The following SPATA17 variants were observed in gnomAD, a reference collection of about 807,000 sequenced individuals.
The protein encoded by SPATA17 is spermatogenesis-associated protein 17.
A neutral mutation model predicts 62.2 loss-of-function variants in SPATA17; 53 were observed. The ratio of observed to expected loss-of-function variants is 0.85; its 90% CI spans 0.68 to 1.07. The LOEUF (loss-of-function observed/expected upper bound fraction) is 1.07. SPATA17 is among the 50% of genes least tolerant of loss of function. The pLI is 0.00. For missense variants in SPATA17, 466 were observed against 425.5 expected (o/e 1.10, Z -0.84); for synonymous variants, 146 against 146.8 (o/e 0.99, Z 0.04).
chr1:217,734,546 A>T (rs1273027476), intron 5 of SPATA17, among the ~76,000 whole-genome samples: 6 of 152,172 alleles, frequency 3.9e-5, no homozygotes, highest in Non-Finnish European at 8.8e-5. Context: ...GCACACACTG[A>T]CTTTACTTGC....
chr1:217,744,462 CAAAAAAA>C lies in SPATA17; in HGVS notation c.519+2381_519+2387del, dbSNP rs766645844. Among the ~76,000 whole-genome samples, 6 of 30,612 alleles carry C rather than the reference CAAAAAAA, an allele frequency of 2.0e-4. 1 individual carries two copies. Among genetic ancestry groups the C allele is most frequent in the African/African-American group, 4.4e-4 (5 of 11,464 alleles). 20.1% of individuals were successfully genotyped at this position (30,612 alleles called of 152,430 possible). A position where few individuals can be genotyped will look rare whatever the true frequency, so the allele number is the denominator to read the frequency against. ...TGGGCGACAGAGCGAGACTCCGTCT[CAAAAAAA>C]AAAAAAAAAAAAAAAAGAATTTTCA... is the stretch of plus-strand genomic sequence containing the variant. On this transcript the variant is annotated intron_variant, in intron 6 of 10. Transcript: ENST00000366933.
At chr1:217,755,286 A>T (rs1673013377) in intron 6 of SPATA17, among the ~76,000 whole-genome samples, 1 of 152,066 alleles carries the variant, frequency 6.6e-6, no homozygotes, top group Admixed American at 6.5e-5. Flanking sequence ...GTATCTTTTG[A>T]CAGTTAGAAA....
At chr1:217,775,634 G>A (rs938026621) in intron 7 of SPATA17, among the ~76,000 whole-genome samples, 5 of 151,940 alleles carry the variant, frequency 3.3e-5, no homozygotes, top group East Asian at 1.9e-4. Flanking sequence ...CTCGGGAGGC[G>A]GAGGTTGCAG....
At chr1:217,795,351 G>A (rs989018812) in intron 8 of SPATA17, among the ~76,000 whole-genome samples, 4 of 137,114 alleles carry the variant, frequency 2.9e-5, no homozygotes, top group African/African-American at 1.1e-4. Context: ...GAGCAAGACA[G>A]ACAAAAGTCT....
intron 4 of SPATA17, among the ~76,000 whole-genome samples, chr1:217,678,723 G>A (rs1020455678): frequency 3.9e-5 from 6 of 152,096 alleles, no homozygotes; most frequent in African/African-American, 4.8e-5. Context: ...ACTTAATGAG[G>A]AATATGCATC....
At chr1:217,780,237 A>T (rs1457007661) in intron 7 of SPATA17, among the ~76,000 whole-genome samples, 2 of 152,160 alleles carry the variant, frequency 1.3e-5, no homozygotes, top group African/African-American at 4.8e-5. Flanking sequence ...ATCAACAAAA[A>T]TTTGACGTAA....
At chr1:217,786,650 CAGA>C (rs1673870773) in intron 8 of SPATA17, among the ~76,000 whole-genome samples, 1 of 151,984 alleles carries the variant, frequency 6.6e-6, no homozygotes, top group Admixed American at 6.6e-5. Context: ...AAATGTATTT[CAGA>C]AGAATATGAT....
chr1:217,649,102 TGTATTTCTTTTAAAAGAAATACATA>T (rs1292658577), intron 2 of SPATA17, 131 bp downstream of exon 2: 2 of 594,262 alleles, frequency 3.4e-6, no homozygotes, highest in Admixed American at 3.5e-5. Context: ...ATAAATTGTA[TGTATTTCTTTTAAAAGAAATACATA>T]GTATTTCTGA....
At chr1:217,811,625 G>A (rs1324007721) in intron 9 of SPATA17, among the ~76,000 whole-genome samples, 6 of 151,674 alleles carry the variant, frequency 4.0e-5, no homozygotes, top group East Asian at 3.9e-4. Context: ...CTTGGGCGGC[G>A]GAGGTTGGAG....
chr1:217,850,532 T>C (rs1427289882), intron 9 of SPATA17: 14 of 1,586,604 alleles, frequency 8.8e-6, no homozygotes, highest in Non-Finnish European at 1.2e-5. Context: ...GGAGGATGCC[T>C]TCCTTATCCT....
intron 5 of SPATA17, chr1:217,739,620 G>T (rs1447209450): frequency 6.6e-6 from 1 of 152,078 alleles, no homozygotes; most frequent in Admixed American, 6.6e-5. Flanking sequence ...GGGAATCCTA[G>T]TTAGAATGGT....
At chr1:217,815,059 A>T (rs541115241) in intron 9 of SPATA17, among the ~76,000 whole-genome samples, 3 of 152,234 alleles carry the variant, frequency 2.0e-5, no homozygotes, top group African/African-American at 7.2e-5. Flanking sequence ...CTGTTGTAGG[A>T]AACTGAGCCA....
chr1:217,670,249 G>A (rs1441126335), intron 4 of SPATA17, among the ~76,000 whole-genome samples: 1 of 152,076 alleles, frequency 6.6e-6, no homozygotes, highest in East Asian at 1.9e-4. Flanking sequence ...AAAATAAAAA[G>A]TCATAGATGA....
At chr1:217,706,334 G>A (rs945142946) in intron 5 of SPATA17, among the ~76,000 whole-genome samples, 1 of 152,096 alleles carries the variant, frequency 6.6e-6, no homozygotes, top group African/African-American at 2.4e-5. Flanking sequence ...CTTCTATGTG[G>A]TATGGTTTGG....
intron 9 of SPATA17, among the ~76,000 whole-genome samples, chr1:217,807,018 T>G (rs1674450594): frequency 6.6e-6 from 1 of 152,128 alleles, no homozygotes; most frequent in Non-Finnish European, 1.5e-5. Context: ...TGTGCTGCAC[T>G]TATAGATAGG....
chr1:217,668,230 A>T (rs907224640), intron 3 of SPATA17, among the ~76,000 whole-genome samples: 14 of 152,178 alleles, frequency 9.2e-5, no homozygotes, highest in African/African-American at 2.9e-4. Context: ...TACTGTCATG[A>T]ATTATATTAA....
intron 8 of SPATA17, among the ~76,000 whole-genome samples, chr1:217,790,199 A>G (rs1424102196): frequency 6.6e-6 from 1 of 152,168 alleles, no homozygotes; most frequent in Admixed American, 6.5e-5. Context: ...CAACAGATCC[A>G]TTCAGTGAGA....
At chr1:217,729,668 G>T (rs1043162327) in intron 5 of SPATA17, among the ~76,000 whole-genome samples, 1 of 152,092 alleles carries the variant, frequency 6.6e-6, no homozygotes, top group Non-Finnish European at 1.5e-5. Context: ...ACACAAGCCA[G>T]GGTGTCCAAC....
chr1:217,808,809 C>A (rs575992167), intron 9 of SPATA17, among the ~76,000 whole-genome samples: 2 of 150,516 alleles, frequency 1.3e-5, no homozygotes, highest in African/African-American at 4.9e-5. Flanking sequence ...GAGCTGAGAT[C>A]GCGCCACTGC....
Sources: gnomAD v4.1 joint callset for allele counts (sites outside exome capture counted in the v4.1 genomes callset) on GRCh38, gnomAD v4.1.1 for gene constraint, MANE v1.5 for transcripts, NCBI Gene and HGNC (gene_info 2026-07-23, HGNC 2026-07-21) for gene names.